The following CTSH variants were observed in gnomAD, a reference collection of about 807,000 sequenced individuals.
CTSH encodes the protein pro-cathepsin H.
CTSH carries 52 observed loss-of-function variants against 56.3 expected under a neutral mutation model. That is an observed-to-expected ratio of 0.92 (90% CI 0.74 to 1.16). The LOEUF (loss-of-function observed/expected upper bound fraction) is 1.16. Among genes scored for constraint, CTSH ranks in the 50% most tolerant of loss-of-function variants. The pLI is 0.00. For missense variants in CTSH, 406 were observed against 424.5 expected, an observed-to-expected ratio of 0.96 and a Z score of 0.38; for synonymous variants, 174 against 155.7, an observed-to-expected ratio of 1.12 and a Z score of -0.88.
At position 78,939,128 on chromosome 15, in the gene CTSH, T is replaced by C. The variant is rs767302536; in HGVS notation, c.123+12A>G. 2.5e-6 allele frequency: 4 copies of C among 1,594,072 alleles called. No individual in the cohort carries two copies. The highest frequency in any genetic ancestry group is 2.3e-5 in the South Asian group (2 of 86,462). On this transcript the variant is annotated intron_variant, in intron 2 of 11. Coordinates refer to ENST00000220166, the MANE Select transcript of CTSH (RefSeq NM_004390.5). ...AATGAAAAACTTCAAAAAGAAGAAG[T>C]TGGGCACTGACCTTAGACATCCATG... is the stretch of plus-strand genomic sequence containing the variant.
chr15:78,937,390 G>T lies in CTSH; in HGVS notation c.157C>A (p.His53Asn), dbSNP rs2055198195. ...TTGCTGGCAAACGTCTGCAGCCTGT[G>T]GTGGTACTCCTCCGTACTGTAGGTC... The part of the protein sequence containing the change: ...RKTYSTEEYH[H>N]RLQTFASNWR... Residue 53 changes from histidine to asparagine, a missense_variant, in exon 3 of 12, where the codon CAC becomes AAC. Coordinates refer to ENST00000220166, the MANE Select transcript of CTSH (RefSeq NM_004390.5). 1 of 1,614,054 alleles carries T rather than the reference G, an allele frequency of 6.2e-7. No individual in the cohort carries two copies. Among genetic ancestry groups the T allele is most frequent in the Admixed American group, 1.7e-5 (1 of 60,000 alleles).
At chr15:78,925,271 G>C (rs779091243) in intron 10 of CTSH, 63 bp downstream of exon 10, 20 of 1,028,856 alleles carry the variant, frequency 1.9e-5, no homozygotes, top group Middle Eastern at 2.0e-4. Context: ...CACGAGTGGG[G>C]TGTGAGGAGG....
intron 8 of CTSH, among the ~76,000 whole-genome samples, chr15:78,928,388 A>G (rs1328693401): frequency 6.8e-6 from 1 of 146,456 alleles, no homozygotes; most frequent in Non-Finnish European, 1.5e-5. Flanking sequence ...AAGATGGTGA[A>G]ACCCTGTCTC....
At position 78,929,487 on chromosome 15, in the gene CTSH, G is replaced by A; in HGVS notation, c.555C>T (p.Leu185=). ...GGATATACTCGAAAGCCTGGCTGGGGAGACCCCTGCAAGAAGTACACACAG... is the reference window on the plus strand; with the variant it reads ...GGATATACTCGAAAGCCTGGCTGGGAAGACCCCTGCAAGAAGTACACACAG... The part of the protein sequence containing the change: ...DFNNHGCQGG[L]PSQAFEYILY... The change falls in exon 8 of 12, where the codon CTC becomes CTT. Residue 185 remains leucine, a synonymous_variant. Transcript: ENST00000220166. 6.2e-7 allele frequency: 1 copy of A among 1,610,124 alleles called. No homozygotes were observed. The highest frequency in any genetic ancestry group is 8.5e-7 in the Non-Finnish European group (1 of 1,177,968).
In CTSH at chr15:78,921,281, T is replaced by G. The variant is rs947493628; in HGVS notation, c.*849A>C. The G allele has an allele frequency of 2.6e-5, 4 of 152,120 alleles. No homozygotes were observed. Among genetic ancestry groups the G allele is most frequent in the African/African-American group, 9.7e-5 (4 of 41,392 alleles). The allele number at this position is 152,120 out of a possible 1,614,324, so 9.4% of individuals were successfully genotyped here. A position where few individuals can be genotyped will look rare whatever the true frequency, so the allele number is the denominator to read the frequency against. ...GAGGCTTCAGGAAGCAGCAGCAACT[T>G]CATGGCCGCCCTCTAAACAGAGATC... On this transcript the variant is annotated 3_prime_UTR_variant, in exon 12 of 12. Coordinates refer to ENST00000220166, the MANE Select transcript of CTSH (RefSeq NM_004390.5).
At chr15:78,933,720 CACTT>C (rs1438517654) in intron 5 of CTSH, 3 of 290,160 alleles carry the variant, frequency 1.0e-5, no homozygotes, top group African/African-American at 4.3e-5. Context: ...TCCCCTTTGT[CACTT>C]ACTTACCTTG....
intron 5 of CTSH, 67 bp from the exon 6 acceptor site, chr15:78,932,525 G>A: frequency 8.0e-7 from 1 of 1,256,846 alleles, no homozygotes. Flanking sequence ...CCTGCCTTCT[G>A]CCTTCCTCTG....
chr15:78,941,758 T>C (rs1468678676), intron 1 of CTSH, among the ~76,000 whole-genome samples: 3 of 147,302 alleles, frequency 2.0e-5, no homozygotes, highest in Non-Finnish European at 4.4e-5. Context: ...ATCACGCCAC[T>C]GCACTCCAGC....
intron 11 of CTSH, among the ~76,000 whole-genome samples, 199 bp from the exon 12 acceptor site, chr15:78,922,404 A>T (rs2054790803): frequency 6.6e-6 from 1 of 152,118 alleles, no homozygotes; most frequent in Non-Finnish European, 1.5e-5. Context: ...CCCTCTCCTT[A>T]GCTGCCAAAT....
At chr15:78,937,167 G>A (rs985091434) in intron 3 of CTSH, 151 bp downstream of exon 3, 3 of 643,358 alleles carry the variant, frequency 4.7e-6, no homozygotes, top group East Asian at 2.7e-5. Flanking sequence ...TACACAGAGA[G>A]TAACAGCGGA....
chr15:78,932,294 G>C, intron 6 of CTSH, 78 bp downstream of exon 6: 1 of 1,344,030 alleles, frequency 7.4e-7, no homozygotes. Context: ...AATGCTCCAG[G>C]GAAACCAAAG....
At chr15:78,941,399 G>C (rs1215192445) in intron 1 of CTSH, among the ~76,000 whole-genome samples, 1 of 141,406 alleles carries the variant, frequency 7.1e-6, no homozygotes, top group Admixed American at 7.5e-5. Flanking sequence ...ACTCCAGCCT[G>C]GGCGACAAAG....
intron 1 of CTSH, among the ~76,000 whole-genome samples, chr15:78,941,347 C>T (rs973014796): frequency 6.9e-6 from 1 of 144,496 alleles, no homozygotes; most frequent in Non-Finnish European, 1.5e-5. Flanking sequence ...ATTGCTTGAA[C>T]CTGGGAGGCA....
intron 2 of CTSH, chr15:78,937,832 A>G (rs1234652353): frequency 1.6e-6 from 2 of 1,284,756 alleles, no homozygotes; most frequent in African/African-American, 1.5e-5. Flanking sequence ...TTCTAAAAAC[A>G]AATGTGTATA....
In CTSH at chr15:78,935,700, A is replaced by G; in HGVS notation, c.280T>C (p.Tyr94His). 2 of 1,611,358 alleles carry G rather than the reference A, an allele frequency of 1.2e-6. No homozygotes were observed. The highest frequency in any genetic ancestry group is 1.7e-6 in the Non-Finnish European group (2 of 1,177,624). ...DMSFAEIKHK[Y>H]LWSEPQNCSA... Reference sequence around the variant, plus strand: ...CCTACCTGAGGCTCTGACCAGAGATACTTGTGTTTTATTTCAGCAAAGCTC... The same window carrying G: ...CCTACCTGAGGCTCTGACCAGAGATGCTTGTGTTTTATTTCAGCAAAGCTC... Residue 94 changes from tyrosine to histidine, a missense_variant, in exon 4 of 12, where the codon TAT becomes CAT. Transcript: ENST00000220166.
At chr15:78,939,636 C>T in intron 1 of CTSH, among the ~76,000 whole-genome samples, 1 of 152,122 alleles carries the variant, frequency 6.6e-6, no homozygotes, top group East Asian at 1.9e-4. Context: ...GCCTGTAATC[C>T]CAGCACTTTG....
At chr15:78,941,245 T>G (rs1165263725) in intron 1 of CTSH, among the ~76,000 whole-genome samples, 1 of 150,012 alleles carries the variant, frequency 6.7e-6, no homozygotes, top group Non-Finnish European at 1.5e-5. Context: ...GCCAACATGG[T>G]GAAACCTCAT....
At chr15:78,937,904 A>C (rs2055210328) in intron 2 of CTSH, 4 of 887,652 alleles carry the variant, frequency 4.5e-6, no homozygotes, top group Non-Finnish European at 6.3e-6. Context: ...CGATACATTC[A>C]TATAATGTGT....
intron 7 of CTSH, 60 bp from the exon 8 acceptor site, chr15:78,929,553 C>G (rs564659173): frequency 1.6e-6 from 2 of 1,219,328 alleles, no homozygotes; most frequent in Admixed American, 2.3e-5. Flanking sequence ...GCGGGGCCCT[C>G]GGGGACTGGC....
Sources: gnomAD v4.1 joint callset for allele counts (sites outside exome capture counted in the v4.1 genomes callset) on GRCh38, gnomAD v4.1.1 for gene constraint, MANE v1.5 for transcripts, NCBI Gene and HGNC (gene_info 2026-07-23, HGNC 2026-07-21) for gene names.